TBC1D2: variants seen among roughly 807,000 people sequenced by gnomAD.
TBC1D2 encodes TBC1 domain family member 2, also known as TBC1 domain family member 2A.
A neutral mutation model predicts 91.1 loss-of-function variants in TBC1D2; 58 were observed. That is an observed-to-expected ratio of 0.64 (90% CI 0.52 to 0.79). The LOEUF (loss-of-function observed/expected upper bound fraction) is 0.79, where lower values mean the gene tolerates loss of function less well. TBC1D2 is among the 30% of genes least tolerant of loss of function. TBC1D2 has a pLI of 0.00. For synonymous variants in TBC1D2, 482 were observed against 511.5 expected (o/e 0.94, Z 0.78); for missense variants, 1,080 against 1,208.3 (o/e 0.89, Z 1.57).
At chr9:98,232,727 T>C (rs1829402108) in intron 4 of TBC1D2, among the ~76,000 whole-genome samples, 1 of 152,240 alleles carries the variant, frequency 6.6e-6, no homozygotes. Context: ...GGTGACATCT[T>C]ACATAGCTAT....
intron 3 of TBC1D2, chr9:98,235,216 G>A: frequency 1.0e-5 from 3 of 291,904 alleles, no homozygotes; most frequent in South Asian, 4.0e-5. Context: ...AAAAAAAAAA[G>A]ATCTGGGACA....
intron 3 of TBC1D2, among the ~76,000 whole-genome samples, chr9:98,243,409 C>G (rs1829692719): frequency 6.6e-6 from 1 of 152,154 alleles, no homozygotes; most frequent in Non-Finnish European, 1.5e-5. Flanking sequence ...GATCCTCCTG[C>G]TCCAGCCTCC....
chr9:98,236,325 G>T (rs1211718350), intron 3 of TBC1D2, among the ~76,000 whole-genome samples: 3 of 151,946 alleles, frequency 2.0e-5, no homozygotes, highest in African/African-American at 7.2e-5. Context: ...CCAGGCTCAA[G>T]CGATTCTCCT....
rs369507489 is a variant in TBC1D2, at chr9:98,209,756, T to TTCCC, written c.1674-613_1674-612insGGGA. ...TTCCTTCTTTCCTTTCCTTCCTTCC[T>TTCCC]TTCCTTCCTTCCTTCCTTCCTTCCT... On this transcript the variant is annotated intron_variant, in intron 8 of 12. Transcript: ENST00000465784. 8.3e-3 allele frequency among the ~76,000 whole-genome samples: 875 copies of TTCCC among 105,582 alleles called. 7 individuals carry two copies. Among genetic ancestry groups the TTCCC allele is most frequent in the Admixed American group, 0.014 (142 of 10,484 alleles). The allele number at this position is 105,582 out of a possible 152,430, so 69.3% of individuals were successfully genotyped here. A position where few individuals can be genotyped will look rare whatever the true frequency, so the allele number is the denominator to read the frequency against.
In TBC1D2 at chr9:98,201,513, C is replaced by G. The variant is rs200433647; in HGVS notation, c.2423G>C (p.Arg808Pro). ...CTCGTACAGGAAGGCATCCCAGACC[C>G]GAAGGAGGATGTTGCTAATGAGACT... ...ADSLISNILL[R>P]VWDAFLYEGT... is the part of the protein sequence containing the mutation. The change falls in exon 11 of 13, where the codon CGG becomes CCG. Residue 808 changes from arginine (R) to proline (P), a missense_variant. Physicochemically the swap from Arg to Pro is moderately radical, Grantham distance 103. Coordinates refer to ENST00000465784, the MANE Select transcript of TBC1D2 (RefSeq NM_001267571.2). The G allele has an allele frequency of 8.7e-6, 14 of 1,614,110 alleles. No homozygotes were observed. The highest frequency in any genetic ancestry group is 1.1e-5 in the Non-Finnish European group (13 of 1,180,006).
intron 9 of TBC1D2, among the ~76,000 whole-genome samples, 153 bp from the exon 10 acceptor site, chr9:98,203,561 A>T: frequency 6.6e-6 from 1 of 152,190 alleles, no homozygotes; most frequent in Non-Finnish European, 1.5e-5. Context: ...TGCTCCTGGC[A>T]CCTGGGGTGA....
chr9:98,245,019 T>C (rs1829735378), intron 2 of TBC1D2, among the ~76,000 whole-genome samples: 3 of 152,000 alleles, frequency 2.0e-5, no homozygotes, highest in Admixed American at 2.0e-4. Context: ...GGCAGGCAGA[T>C]CATGAGGTCA....
chr9:98,252,915 G>A (rs1159142886), intron 1 of TBC1D2, among the ~76,000 whole-genome samples: 1 of 152,056 alleles, frequency 6.6e-6, no homozygotes, highest in Non-Finnish European at 1.5e-5. Context: ...TATGCAGGGG[G>A]GAGTCTGTGA....
intron 2 of TBC1D2, among the ~76,000 whole-genome samples, chr9:98,249,828 T>C (rs1178255613): frequency 6.6e-6 from 1 of 152,204 alleles, no homozygotes; most frequent in Admixed American, 6.5e-5. Flanking sequence ...GCACTTACTA[T>C]GTGCCTGAGG....
At chr9:98,200,751 C>T (rs1479953021) in intron 11 of TBC1D2, among the ~76,000 whole-genome samples, 1 of 152,168 alleles carries the variant, frequency 6.6e-6, no homozygotes, top group East Asian at 1.9e-4. Context: ...CACAGTGGCT[C>T]ATGCCAGTAA....
chr9:98,244,180 A>T (rs773031666), intron 2 of TBC1D2, 51 bp from the exon 3 acceptor site: 1 of 1,604,856 alleles, frequency 6.2e-7, no homozygotes, highest in Non-Finnish European at 8.5e-7. Flanking sequence ...GCACTTGGAA[A>T]GACAGGTCAG....
At chr9:98,227,586 G>A (rs1829261894) in intron 5 of TBC1D2, among the ~76,000 whole-genome samples, 1 of 149,996 alleles carries the variant, frequency 6.7e-6, no homozygotes, top group Non-Finnish European at 1.5e-5. Context: ...GTGAAACCTA[G>A]TCTCTAATAA....
intron 5 of TBC1D2, among the ~76,000 whole-genome samples, chr9:98,226,163 T>C (rs977633440): frequency 2.6e-5 from 4 of 152,194 alleles, no homozygotes; most frequent in African/African-American, 4.8e-5. Flanking sequence ...TTGGTTTCAG[T>C]ATCTGGGCTA....
chr9:98,203,253 A>T (rs568147742), intron 10 of TBC1D2, 35 bp downstream of exon 10: 1 of 1,612,976 alleles, frequency 6.2e-7, no homozygotes, highest in Admixed American at 1.7e-5. Flanking sequence ...GCACTGCCCT[A>T]CATGGCTGCA....
intron 3 of TBC1D2, among the ~76,000 whole-genome samples, chr9:98,239,243 G>T (rs1045487673): frequency 6.6e-6 from 1 of 151,892 alleles, no homozygotes; most frequent in Non-Finnish European, 1.5e-5. Flanking sequence ...TAGAGATGGG[G>T]TTCACTACAA....
Position 98,233,538 on chromosome 9 carries a change from T to G in TBC1D2, c.659A>C (p.His220Pro), listed in dbSNP as rs775565392. ...HLGTEIQNTM[H>P]NIRGNKQAQG... ...GGCCTGCTTGTTGCCACGGATGTTG[T>G]GCATTGTGTTCCTGAAAGGAGACAA... The change falls in exon 4 of 13, where the codon CAC (histidine) becomes CCC (proline). Residue 220 changes from histidine to proline, a missense_variant. Coordinates refer to ENST00000465784, the MANE Select transcript of TBC1D2 (RefSeq NM_001267571.2). 1.9e-6 allele frequency: 3 copies of G among 1,614,136 alleles called. No homozygotes were observed. The highest frequency in any genetic ancestry group is 3.3e-5 in the Admixed American group (2 of 60,026).
At chr9:98,223,457 G>A (rs937055551) in intron 5 of TBC1D2, among the ~76,000 whole-genome samples, 2 of 152,240 alleles carry the variant, frequency 1.3e-5, no homozygotes, top group Non-Finnish European at 2.9e-5. Context: ...AGCTTCTCAG[G>A]GCTCAGTGGA....
rs1012948869 is a variant in TBC1D2, at chr9:98,217,700, A to T, written c.1374+3133T>A. On this transcript the variant is annotated intron_variant, in intron 6 of 12. Transcript: ENST00000465784. ...AACTAAGGAACACCAACTACATGCA[A>T]CTCTTTCTCTTTTTTATTTTTTTTT... is the stretch of plus-strand genomic sequence containing the variant. Among the ~76,000 whole-genome samples the T allele has an allele frequency of 2.6e-5, 4 of 151,756 alleles. No homozygotes were observed. The South Asian group carries it at 8.3e-4, about 32-fold the overall frequency.
At position 98,208,955 on chromosome 9, in the gene TBC1D2, T is replaced by A; in HGVS notation, c.1863A>T (p.Leu621=). The change falls in exon 9 of 13, where the codon CTA becomes CTT. Residue 621 remains leucine, a synonymous_variant. Coordinates refer to ENST00000465784, the MANE Select transcript of TBC1D2 (RefSeq NM_001267571.2). ...GTTCACGGGGTACTCCTGCCCGCAG[T>A]AGCTGCTTGAGCTCGGCTGAGGGCA... The part of the protein sequence containing the change: ...DLVPSAELKQ[L]LRAGVPREHR... 1 of 1,614,106 alleles carries A rather than the reference T, an allele frequency of 6.2e-7. No homozygotes were observed. Among genetic ancestry groups the A allele is most frequent in the Non-Finnish European group, 8.5e-7 (1 of 1,180,014 alleles).
Sources: gnomAD v4.1 joint callset for allele counts (sites outside exome capture counted in the v4.1 genomes callset) on GRCh38, gnomAD v4.1.1 for gene constraint, MANE v1.5 for transcripts, NCBI Gene and HGNC (gene_info 2026-07-23, HGNC 2026-07-21) for gene names.